Variants in TMEM117 observed in about 807,000 individuals in gnomAD.
TMEM117 encodes the protein transmembrane protein 117.
In TMEM117, 27 loss-of-function variants were observed where a neutral mutation model predicts 52.4. That is an observed-to-expected ratio of 0.51 (90% CI 0.38 to 0.71). TMEM117 has a LOEUF of 0.71. Ranked by LOEUF, TMEM117 falls within the 30% of genes least tolerant of loss-of-function variation. The pLI, the probability that TMEM117 is intolerant of heterozygous loss-of-function variation, is 0.00. For synonymous variants in TMEM117, 215 were observed against 206.3 expected, an observed-to-expected ratio of 1.04 and a Z score of -0.36; for missense variants, 556 against 630.5, an observed-to-expected ratio of 0.88 and a Z score of 1.26.
chr12:44,262,228 A>G, intron 5 of TMEM117, among the ~76,000 whole-genome samples: 1 of 152,168 alleles, frequency 6.6e-6, no homozygotes, highest in East Asian at 1.9e-4. Context: ...GTACACACAC[A>G]CTATGCGGTG....
intron 3 of TMEM117, among the ~76,000 whole-genome samples, chr12:44,010,990 A>C (rs954936083): frequency 6.6e-6 from 1 of 152,188 alleles, no homozygotes; most frequent in Non-Finnish European, 1.5e-5. Flanking sequence ...CTCCTTCATG[A>C]AGATTGGAAG....
At chr12:44,091,360 T>A (rs1228436998) in intron 3 of TMEM117, among the ~76,000 whole-genome samples, 1 of 152,138 alleles carries the variant, frequency 6.6e-6, no homozygotes, top group Non-Finnish European at 1.5e-5. Context: ...AACTTTCTTG[T>A]TGGCAGAATG....
intron 2 of TMEM117, among the ~76,000 whole-genome samples, chr12:43,871,957 A>T (rs1425442364): frequency 1.3e-5 from 2 of 152,118 alleles, no homozygotes; most frequent in Non-Finnish European, 2.9e-5. Flanking sequence ...GGATGTGAGT[A>T]ATCATAGCTC....
intron 3 of TMEM117, among the ~76,000 whole-genome samples, chr12:43,996,559 C>T (rs111824073): frequency 6.6e-6 from 1 of 151,910 alleles, no homozygotes; most frequent in Non-Finnish European, 1.5e-5. Context: ...AGGAGAATGG[C>T]GTGAACCTGG....
chr12:44,239,597 C>T (rs1408958899), intron 5 of TMEM117, among the ~76,000 whole-genome samples: 1 of 152,072 alleles, frequency 6.6e-6, no homozygotes, highest in Non-Finnish European at 1.5e-5. Flanking sequence ...TAGAAACTTT[C>T]TAATGAGAGG....
intron 2 of TMEM117, among the ~76,000 whole-genome samples, chr12:43,859,473 T>G (rs1943452089): frequency 6.6e-6 from 1 of 150,732 alleles, no homozygotes; most frequent in African/African-American, 2.4e-5. Context: ...CCTTCTTGAT[T>G]TGTAAATGTA....
chr12:44,168,362 A>G (rs1263422892), intron 4 of TMEM117, among the ~76,000 whole-genome samples: 1 of 152,114 alleles, frequency 6.6e-6, no homozygotes, highest in Admixed American at 6.5e-5. Context: ...AATAGAAAAT[A>G]TTTCTAGCAC....
chr12:44,364,568 A>G (rs1434940386), intron 6 of TMEM117, among the ~76,000 whole-genome samples: 2 of 152,102 alleles, frequency 1.3e-5, no homozygotes, highest in Non-Finnish European at 2.9e-5. Flanking sequence ...AAAATGATTA[A>G]TGATTTTTAT....
At chr12:44,343,101 A>AT (rs898296494) in intron 6 of TMEM117, among the ~76,000 whole-genome samples, 14 of 149,798 alleles carry the variant, frequency 9.3e-5, no homozygotes, top group African/African-American at 2.5e-4. Flanking sequence ...ATGCCCAGCT[A>AT]TTTTTTTTTA....
intron 4 of TMEM117, among the ~76,000 whole-genome samples, chr12:44,160,708 G>A (rs1296732051): frequency 6.6e-6 from 1 of 152,136 alleles, no homozygotes; most frequent in Non-Finnish European, 1.5e-5. Context: ...AGGCTGAGGT[G>A]AGAGGATCGC....
intron 7 of TMEM117, among the ~76,000 whole-genome samples, chr12:44,377,508 C>T (rs1951958637): frequency 1.3e-5 from 2 of 152,146 alleles, no homozygotes; most frequent in Non-Finnish European, 2.9e-5. Context: ...TTTGAAATGG[C>T]TAAAATATGA....
chr12:44,055,589 A>G (rs1332524085), intron 3 of TMEM117, among the ~76,000 whole-genome samples: 1 of 152,182 alleles, frequency 6.6e-6, no homozygotes, highest in Non-Finnish European at 1.5e-5. Context: ...GTGTGGCATC[A>G]GGTAGGTGTG....
At chr12:44,326,356 T>G (rs1176176339) in intron 6 of TMEM117, among the ~76,000 whole-genome samples, 2 of 152,192 alleles carry the variant, frequency 1.3e-5, no homozygotes, top group Non-Finnish European at 2.9e-5. Flanking sequence ...ATCTGCTTTT[T>G]ATGTTAAGCT....
At chr12:44,259,100 T>C (rs530070276) in intron 5 of TMEM117, among the ~76,000 whole-genome samples, 1 of 152,306 alleles carries the variant, frequency 6.6e-6, no homozygotes, top group East Asian at 1.9e-4. Flanking sequence ...CTGTTATCCC[T>C]TTAGCATTTC....
intron 6 of TMEM117, among the ~76,000 whole-genome samples, chr12:44,330,188 C>A (rs1023013434): frequency 1.3e-5 from 2 of 152,018 alleles, no homozygotes; most frequent in African/African-American, 4.8e-5. Flanking sequence ...TTGTAGCCAT[C>A]TTACTGAATG....
At chr12:43,882,721 T>C (rs548439220) in intron 2 of TMEM117, among the ~76,000 whole-genome samples, 2 of 152,290 alleles carry the variant, frequency 1.3e-5, no homozygotes, top group South Asian at 4.1e-4. Context: ...TAGCTGTGCA[T>C]GTATGGAAAG....
At chr12:44,299,845 T>A in intron 6 of TMEM117, 106 bp downstream of exon 6, 1 of 1,373,704 alleles carries the variant, frequency 7.3e-7, no homozygotes, top group Non-Finnish European at 9.9e-7. Flanking sequence ...GTACAGCATT[T>A]ACAGTTACTT....
At chr12:43,854,925 C>T (rs1237563703) in intron 2 of TMEM117, among the ~76,000 whole-genome samples, 3 of 152,228 alleles carry the variant, frequency 2.0e-5, no homozygotes, top group Non-Finnish European at 4.4e-5. Flanking sequence ...GCGTGAGCCA[C>T]CGCTCCTGGC....
intron 5 of TMEM117, among the ~76,000 whole-genome samples, chr12:44,296,096 G>A (rs961458724): frequency 3.3e-5 from 5 of 152,206 alleles, no homozygotes; most frequent in Non-Finnish European, 7.3e-5. Flanking sequence ...GGAGCAGAGT[G>A]TATATGGATC....
Sources: gnomAD v4.1 joint callset for allele counts (sites outside exome capture counted in the v4.1 genomes callset) on GRCh38, gnomAD v4.1.1 for gene constraint, MANE v1.5 for transcripts, NCBI Gene and HGNC (gene_info 2026-07-23, HGNC 2026-07-21) for gene names.